REDIC1: variants seen among roughly 807,000 people sequenced by gnomAD.
REDIC1 encodes HEI10 Interacting Protein 1.
chr12:39,654,733 G>A, the REDIC1 span, among the ~76,000 whole-genome samples: 3 of 137,480 alleles, frequency 2.2e-5, no homozygotes, highest in Non-Finnish European at 4.7e-5. Flanking sequence ...TTCGGCTTTG[G>A]TATCAGGGTA....
the REDIC1 span, among the ~76,000 whole-genome samples, chr12:39,707,131 A>G: frequency 3.9e-4 from 60 of 152,154 alleles, no homozygotes; most frequent in African/African-American, 1.3e-3. Flanking sequence ...AGGGATTAAT[A>G]TAATGTATAA....
At chr12:39,860,700 C>T in the REDIC1 span, among the ~76,000 whole-genome samples, 2 of 152,180 alleles carry the variant, frequency 1.3e-5, no homozygotes, top group African/African-American at 4.8e-5. Context: ...CCTCCTATGG[C>T]CACAGTTAAT....
chr12:39,825,429 A>G, the REDIC1 span, among the ~76,000 whole-genome samples: 21 of 152,286 alleles, frequency 1.4e-4, no homozygotes, highest in African/African-American at 4.3e-4. Context: ...CTGCTCCCCT[A>G]TAAGAAGTGG....
chr12:39,690,146 C>T, the REDIC1 span, among the ~76,000 whole-genome samples: 1 of 152,132 alleles, frequency 6.6e-6, no homozygotes, highest in Non-Finnish European at 1.5e-5. Flanking sequence ...TGGGTTGCAC[C>T]TGCCCACAGG....
chr12:39,650,404 T>C, the REDIC1 span: 1 of 1,549,194 alleles, frequency 6.5e-7, no homozygotes, highest in Non-Finnish European at 8.7e-7. The surrounding 1 kb of genome is among the most constrained non-coding windows in gnomAD (Gnocchi z 4.3). Flanking sequence ...TTCTGTACTT[T>C]CACTTAGAAA....
the REDIC1 span, among the ~76,000 whole-genome samples, chr12:39,640,070 T>G: frequency 6.6e-6 from 1 of 151,746 alleles, no homozygotes. Flanking sequence ...TTTTTTTTTT[T>G]TTTTAAAGAA....
the REDIC1 span, among the ~76,000 whole-genome samples, chr12:39,740,491 G>A: frequency 1.3e-5 from 2 of 152,110 alleles, no homozygotes; most frequent in Admixed American, 1.3e-4. Flanking sequence ...AAAACCATGT[G>A]CTGTAAATTT....
the REDIC1 span, among the ~76,000 whole-genome samples, chr12:39,680,264 G>T: frequency 2.6e-5 from 4 of 151,954 alleles, no homozygotes; most frequent in South Asian, 8.3e-4. Flanking sequence ...AATCTACAAG[G>T]AACTCAAATC....
the REDIC1 span, among the ~76,000 whole-genome samples, chr12:39,656,037 C>T: frequency 2.6e-5 from 4 of 152,060 alleles, no homozygotes; most frequent in Non-Finnish European, 5.9e-5. Flanking sequence ...GGATAAATCC[C>T]ACCTGTCACA....
chr12:39,821,184 C>T, the REDIC1 span, among the ~76,000 whole-genome samples: 1 of 152,020 alleles, frequency 6.6e-6, no homozygotes, highest in Admixed American at 6.6e-5. Flanking sequence ...GAGACCAAGG[C>T]GGGCGGATCA....
At chr12:39,752,859 T>TTC in the REDIC1 span, among the ~76,000 whole-genome samples, 2 of 152,212 alleles carry the variant, frequency 1.3e-5, no homozygotes, top group African/African-American at 4.8e-5. Context: ...AGATTCCTTT[T>TTC]TAAAGTCATG....
At chr12:39,898,079 TC>T in the REDIC1 span, among the ~76,000 whole-genome samples, 856 of 152,234 alleles carry the variant, frequency 5.6e-3, 6 homozygotes, top group African/African-American at 0.019. Context: ...TAGCAAACAA[TC>T]CGTTGTTGGG....
At chr12:39,636,919 CTT>C in the REDIC1 span, among the ~76,000 whole-genome samples, 1 of 151,690 alleles carries the variant, frequency 6.6e-6, no homozygotes, top group Non-Finnish European at 1.5e-5. Context: ...GCATTTGTGT[CTT>C]TTTAATTTTT....
chr12:39,750,965 G>A, the REDIC1 span, among the ~76,000 whole-genome samples: 7 of 152,084 alleles, frequency 4.6e-5, no homozygotes, highest in Non-Finnish European at 1.0e-4. Context: ...AACCCTAGAA[G>A]AAAACCTAGG....
the REDIC1 span, among the ~76,000 whole-genome samples, chr12:39,787,704 A>T: frequency 6.6e-6 from 1 of 151,302 alleles, no homozygotes; most frequent in African/African-American, 2.5e-5. Context: ...ATGCAAATGA[A>T]TAAATAGCAA....
At chr12:39,865,876 G>C in the REDIC1 span, among the ~76,000 whole-genome samples, 1 of 152,158 alleles carries the variant, frequency 6.6e-6, no homozygotes, top group Non-Finnish European at 1.5e-5. Flanking sequence ...GGGATTACTT[G>C]GGGGTAGAGG....
At chr12:39,708,476 G>T in the REDIC1 span, among the ~76,000 whole-genome samples, 3 of 151,484 alleles carry the variant, frequency 2.0e-5, no homozygotes, top group African/African-American at 4.8e-5. Flanking sequence ...TTATTTCTGG[G>T]TTTAGACTCT....
the REDIC1 span, among the ~76,000 whole-genome samples, chr12:39,785,855 G>T: frequency 3.9e-5 from 6 of 152,178 alleles, no homozygotes; most frequent in East Asian, 1.2e-3. Context: ...GGACTTGCAT[G>T]GGGCCTATAA....
the REDIC1 span, among the ~76,000 whole-genome samples, chr12:39,663,237 GTCTC>G: frequency 2.6e-5 from 4 of 151,978 alleles, no homozygotes; most frequent in East Asian, 7.7e-4. Context: ...TTGTATTGGT[GTCTC>G]TCTCTATTTA....
Sources: gnomAD v4.1 joint callset for allele counts (sites outside exome capture counted in the v4.1 genomes callset) on GRCh38, gnomAD v4.1.1 for gene constraint, Gnocchi (gnomAD v3.1) non-coding constraint, MANE v1.5 for transcripts, NCBI Gene and HGNC (gene_info 2026-07-23, HGNC 2026-07-21) for gene names.